FCER1A: variants seen among roughly 807,000 people sequenced by gnomAD.
FCER1A encodes high affinity immunoglobulin epsilon receptor subunit alpha.
FCER1A carries 24 observed loss-of-function variants against 23.6 expected under a neutral mutation model. The ratio of observed to expected loss-of-function variants is 1.02; its 90% CI spans 0.74 to 1.43. The LOEUF (loss-of-function observed/expected upper bound fraction) is 1.43, where lower values mean the gene tolerates loss of function less well. FCER1A is among the 40% of genes most tolerant of loss of function. The probability of loss-of-function intolerance (pLI) is 0.00; values close to 1 mark genes in which losing one functional copy is unlikely to be tolerated. For synonymous variants in FCER1A, 121 were observed against 108.8 expected, an observed-to-expected ratio of 1.11 and a Z score of -0.70; for missense variants, 318 against 294.5, an observed-to-expected ratio of 1.08 and a Z score of -0.58.
Position 159,302,419 on chromosome 1 carries a change from G to A in FCER1A, c.55G>A (p.Ala19Thr), listed in dbSNP as rs200728340. The A allele has an allele frequency of 2.6e-5, 42 of 1,603,534 alleles. No individual in the cohort carries two copies. The Middle Eastern group carries it at 6.6e-4, about 25-fold the overall frequency. ...ACTGTGTGTAGCCTTACTGTTCTTC[G>A]GTAAGTAGAGATTCAATTACCCCTC... Reference protein sequence around the residue: ...TLLCVALLFFAPDGVLAVPQK... With the variant: ...TLLCVALLFFTPDGVLAVPQK... Residue 19 changes from alanine (A) to threonine (T), a missense_variant and splice_region_variant, in exon 1 of 5, where the codon GCT becomes ACT. Physicochemically the swap from Ala to Thr is moderately conservative, Grantham distance 58. Coordinates refer to ENST00000693622, the MANE Select transcript of FCER1A (RefSeq NM_001387280.1).
intron 1 of FCER1A, among the ~76,000 whole-genome samples, chr1:159,290,096 C>T (rs546609451): frequency 6.6e-6 from 1 of 152,228 alleles, no homozygotes; most frequent in South Asian, 2.1e-4. Context: ...GAACCTATGT[C>T]CCATGCATCT....
chr1:159,294,162 C>A (rs571844580), intron 1 of FCER1A, among the ~76,000 whole-genome samples: 1 of 152,026 alleles, frequency 6.6e-6, no homozygotes, highest in Non-Finnish European at 1.5e-5. Flanking sequence ...TCAGTGTGGC[C>A]ATTCCTCAGG....
Position 159,305,943 on chromosome 1 carries a change from C to T in FCER1A, c.332-45C>T, listed in dbSNP as rs569078258. On this transcript the variant is annotated intron_variant, in intron 3 of 4. Transcript: ENST00000693622. ...TCTCTTTTCTCTATTCATTCTCTCT[C>T]TCTTCATTTATTGTTAAATAAATAA... 31 of 1,552,642 alleles carry T rather than the reference C, an allele frequency of 2.0e-5. No individual in the cohort carries two copies. In the African/African-American group the frequency reaches 2.7e-4, roughly 14 times the overall value.
chr1:159,297,152 G>C (rs1242036820), intron 1 of FCER1A, among the ~76,000 whole-genome samples: 2 of 152,146 alleles, frequency 1.3e-5, no homozygotes, highest in Non-Finnish European at 2.9e-5. Flanking sequence ...CTTGAGGGCT[G>C]ACTCTGCACA....
chr1:159,302,170 A>G (rs1652448117), upstream of FCER1A: 4 of 605,154 alleles, frequency 6.6e-6, no homozygotes, highest in Middle Eastern at 2.6e-4. Context: ...GAGTGGAGTA[A>G]GTGGGTAAAT....
intron 2 of FCER1A, among the ~76,000 whole-genome samples, chr1:159,303,727 C>T (rs1652510025): frequency 6.6e-6 from 1 of 152,116 alleles, no homozygotes; most frequent in African/African-American, 2.4e-5. Flanking sequence ...TGTCTTTCTC[C>T]CTGTGTTGGG....
upstream of FCER1A, among the ~76,000 whole-genome samples, chr1:159,299,999 T>C (rs1189338964): frequency 6.6e-6 from 1 of 152,028 alleles, no homozygotes; most frequent in African/African-American, 2.4e-5. Flanking sequence ...GCTGGGAAGA[T>C]GGGTAGTTTG....
In FCER1A at chr1:159,306,069, G is replaced by C; in HGVS notation, c.413G>C (p.Trp138Ser). Residue 138 changes from tryptophan to serine, a missense_variant, in exon 4 of 5, where the codon TGG (tryptophan) becomes TCG (serine). By Grantham distance (177) the Trp-to-Ser change is radical. Transcript: ENST00000693622. ...LFLRCHGWRNWDVYKVIYYKD... is the reference protein window; with the variant it reads ...LFLRCHGWRNSDVYKVIYYKD... The stretch of plus-strand genomic sequence containing the variant: ...CTCAGGTGCCATGGTTGGAGGAACT[G>C]GGATGTGTACAAGGTGATCTATTAT... 1.9e-6 allele frequency: 3 copies of C among 1,614,162 alleles called. No individual in the cohort carries two copies. The African/African-American group carries it at 4.0e-5, about 22-fold the overall frequency.
At chr1:159,305,839 C>T (rs1390218650) in intron 3 of FCER1A, 149 bp from the exon 4 acceptor site, 3 of 666,334 alleles carry the variant, frequency 4.5e-6, no homozygotes. Flanking sequence ...TTATTTTGTG[C>T]CCTTTAAAAA....
chr1:159,302,308 T>C, upstream of FCER1A: 2 of 1,241,656 alleles, frequency 1.6e-6, no homozygotes, highest in African/African-American at 1.5e-5. Flanking sequence ...GTTTTAAGCC[T>C]ATATTTGAAG....
At chr1:159,283,689 CAA>C in the FCER1A span, among the ~76,000 whole-genome samples, 32,580 of 151,986 alleles carry the variant, frequency 0.21, 3,894 homozygotes, top group African/African-American at 0.33. Context: ...TCTCTAATAT[CAA>C]AGAGAGCCTC....
chr1:159,299,937 G>A (rs1254024998), upstream of FCER1A, among the ~76,000 whole-genome samples: 1 of 150,296 alleles, frequency 6.7e-6, no homozygotes, highest in East Asian at 1.9e-4. Flanking sequence ...ATTAGGGTAT[G>A]GCTTTTTCTT....
At chr1:159,302,693 G>A (rs953261461) in intron 1 of FCER1A, among the ~76,000 whole-genome samples, 161 bp from the exon 2 acceptor site, 2 of 152,160 alleles carry the variant, frequency 1.3e-5, no homozygotes, top group Non-Finnish European at 2.9e-5. Context: ...TGAGGGTAGA[G>A]GAGAGAAAGA....
chr1:159,302,766 G>A (rs1652473872), intron 1 of FCER1A, 88 bp from the exon 2 acceptor site: 2 of 1,205,020 alleles, frequency 1.7e-6, no homozygotes, highest in Non-Finnish European at 2.5e-6. Context: ...TTCCATGGAT[G>A]TAGATCTTAT....
chr1:159,305,909 A>G (rs532656815), intron 3 of FCER1A, 79 bp from the exon 4 acceptor site: 3 of 1,280,484 alleles, frequency 2.3e-6, no homozygotes, highest in African/African-American at 1.5e-5. Context: ...CACATGCTCT[A>G]TGCGTGGCTC....
Position 159,307,855 on chromosome 1 carries a change from C to T in FCER1A, c.697C>T (p.Leu233Phe), listed in dbSNP as rs1254044433. 2 of 1,613,630 alleles carry T rather than the reference C, an allele frequency of 1.2e-6. No homozygotes were observed. The highest frequency in any genetic ancestry group is 2.2e-5 in the East Asian group (1 of 44,886). The change falls in exon 5 of 5, where the codon CTC (leucine) becomes TTC (phenylalanine). Residue 233 changes from leucine (L) to phenylalanine (F), a missense_variant. Coordinates refer to ENST00000693622, the MANE Select transcript of FCER1A (RefSeq NM_001387280.1). ...CTCAACTCAGCAGCAGGTCACATTT[C>T]TCTTGAAGATTAAGAGAACCAGGAA... ...FISTQQQVTF[L>F]LKIKRTRKGF...
chr1:159,284,902 C>G (rs1272429156), upstream of FCER1A, among the ~76,000 whole-genome samples: 1 of 152,060 alleles, frequency 6.6e-6, no homozygotes, highest in Non-Finnish European at 1.5e-5. Context: ...AAATAATTGC[C>G]TTGACTTTTA....
chr1:159,307,179 T>C (rs536483930), intron 4 of FCER1A, among the ~76,000 whole-genome samples: 1 of 152,332 alleles, frequency 6.6e-6, no homozygotes, highest in South Asian at 2.1e-4. Flanking sequence ...TAGCCAATAT[T>C]GAGAATCACT....
intron 1 of FCER1A, among the ~76,000 whole-genome samples, chr1:159,290,587 C>T (rs1652124924): frequency 2.6e-5 from 4 of 152,164 alleles, no homozygotes; most frequent in Admixed American, 1.3e-4. Flanking sequence ...AGATCCCTAC[C>T]ATTCAGACCT....
Sources: allele counts gnomAD v4.1 joint callset (sites outside exome capture counted in the v4.1 genomes callset), GRCh38; gene constraint gnomAD v4.1.1; transcripts MANE v1.5; gene names NCBI Gene and HGNC (gene_info 2026-07-23, HGNC 2026-07-21).